ANO10: variants seen among roughly 807,000 people sequenced by gnomAD.
ANO10 encodes anoctamin 10.
A neutral mutation model predicts 74.7 loss-of-function variants in ANO10; 77 were observed. The ratio of observed to expected loss-of-function variants is 1.03; its 90% CI spans 0.86 to 1.25. The LOEUF is 1.25. Ranked by LOEUF, ANO10 falls within the 50% of genes most tolerant of loss-of-function variation. ANO10 has a pLI of 0.00. For missense variants in ANO10, 721 were observed against 778.1 expected (o/e 0.93, Z 0.87); for synonymous variants, 279 against 284.9 (o/e 0.98, Z 0.21).
chr3:43,373,563 G>A (rs982962634), intron 12 of ANO10, among the ~76,000 whole-genome samples: 1 of 152,162 alleles, frequency 6.6e-6, no homozygotes, highest in Non-Finnish European at 1.5e-5. Flanking sequence ...CTGCACATCT[G>A]GGTTTCAGAG....
chr3:43,442,606 AC>A (rs1353074354), intron 11 of ANO10, among the ~76,000 whole-genome samples: 1 of 152,174 alleles, frequency 6.6e-6, no homozygotes, highest in Non-Finnish European at 1.5e-5. Flanking sequence ...TATTGTTAAA[AC>A]GTGTATATCA....
chr3:43,578,719 C>T (rs552408551), intron 5 of ANO10, among the ~76,000 whole-genome samples: 13 of 123,642 alleles, frequency 1.1e-4, no homozygotes, highest in South Asian at 5.6e-4. Context: ...CATTGCACTC[C>T]GGCATGGGCC....
At chr3:43,570,840 T>G (rs530320869) in intron 7 of ANO10, among the ~76,000 whole-genome samples, 1 of 140,388 alleles carries the variant, frequency 7.1e-6, no homozygotes, top group Non-Finnish European at 1.5e-5. Flanking sequence ...AAATGGGATC[T>G]AATTAAACTA....
chr3:43,392,629 G>T (rs2092299325), intron 12 of ANO10, among the ~76,000 whole-genome samples: 1 of 152,168 alleles, frequency 6.6e-6, no homozygotes. Context: ...GTAAATCTAA[G>T]GGACAAATTC....
At chr3:43,419,033 A>C (rs1265289664) in intron 12 of ANO10, among the ~76,000 whole-genome samples, 1 of 152,158 alleles carries the variant, frequency 6.6e-6, no homozygotes, top group African/African-American at 2.4e-5. Context: ...AAGTTTGCCA[A>C]CTCCTAGCCC....
chr3:43,471,428 C>A (rs2075854625), intron 11 of ANO10, among the ~76,000 whole-genome samples: 1 of 152,122 alleles, frequency 6.6e-6, no homozygotes, highest in South Asian at 2.1e-4. Flanking sequence ...CTCATCATGT[C>A]CCTCTGCCGC....
At chr3:43,375,093 C>A (rs1344674573) in intron 12 of ANO10, among the ~76,000 whole-genome samples, 2 of 151,578 alleles carry the variant, frequency 1.3e-5, no homozygotes, top group African/African-American at 4.9e-5. Flanking sequence ...TACACTCCAG[C>A]CTGGGTGACA....
chr3:43,571,742 G>A (rs1259164384), intron 7 of ANO10, among the ~76,000 whole-genome samples: 1 of 150,660 alleles, frequency 6.6e-6, no homozygotes, highest in African/African-American at 2.4e-5. Flanking sequence ...GCTAGATGAC[G>A]AGTTAGTGGG....
chr3:43,453,064 G>A (rs999053714), intron 11 of ANO10, among the ~76,000 whole-genome samples: 1 of 151,992 alleles, frequency 6.6e-6, no homozygotes, highest in Non-Finnish European at 1.5e-5. Flanking sequence ...AATTATTCTA[G>A]ATACAAGTTC....
chr3:43,644,469 G>A (rs2083706325), intron 1 of ANO10, among the ~76,000 whole-genome samples: 1 of 152,124 alleles, frequency 6.6e-6, no homozygotes, highest in Non-Finnish European at 1.5e-5. Flanking sequence ...TCCCTCCCTG[G>A]AACAGAGAGG....
At chr3:43,459,317 C>T (rs2075279391) in intron 11 of ANO10, among the ~76,000 whole-genome samples, 1 of 152,104 alleles carries the variant, frequency 6.6e-6, no homozygotes, top group Non-Finnish European at 1.5e-5. Flanking sequence ...TCCATTTCTA[C>T]CTGATGCACT....
chr3:43,550,744 T>G (rs2079420536), intron 10 of ANO10, among the ~76,000 whole-genome samples: 1 of 146,618 alleles, frequency 6.8e-6, no homozygotes, highest in Admixed American at 6.7e-5. Context: ...AGTTTAAAAT[T>G]TCTATTTATT....
intron 11 of ANO10, among the ~76,000 whole-genome samples, chr3:43,544,618 C>A (rs193112101): frequency 0.015 from 2,243 of 151,938 alleles, 24 homozygotes; most frequent in Non-Finnish European, 0.02. Flanking sequence ...AATGGTGAAA[C>A]CCCGTCTCTA....
In ANO10 at chr3:43,690,751, G is replaced by A. The variant is rs116844757; in HGVS notation, c.-12+766C>T. ...CCCTCTGGGCTGACTGTCCCGCCCCGCGCTTACACCCGGGAGCGTCGGGCG... is the reference window on the plus strand; with the variant it reads ...CCCTCTGGGCTGACTGTCCCGCCCCACGCTTACACCCGGGAGCGTCGGGCG... On this transcript the variant is annotated intron_variant, in intron 1 of 3. Transcript: ENST00000413397. 10,205 of 427,052 alleles carry A rather than the reference G, an allele frequency of 0.024. 176 individuals are homozygous for A. Among genetic ancestry groups the A allele is most frequent in the South Asian group, 0.074 (1,249 of 16,778 alleles). 26.5% of individuals were successfully genotyped at this position (427,052 alleles called of 1,614,324 possible).
intron 12 of ANO10, among the ~76,000 whole-genome samples, chr3:43,425,885 A>T (rs1234097706): frequency 2.6e-5 from 4 of 152,128 alleles, no homozygotes; most frequent in Non-Finnish European, 5.9e-5. Flanking sequence ...GATCTAGGAG[A>T]GATGAACCAA....
intron 11 of ANO10, among the ~76,000 whole-genome samples, chr3:43,448,935 G>A (rs776881458): frequency 6.7e-6 from 1 of 149,132 alleles, no homozygotes; most frequent in Non-Finnish European, 1.5e-5. Flanking sequence ...GCAGTGGTGC[G>A]ATCTCGGCTC....
At chr3:43,598,749 T>C (rs1482755204) in intron 3 of ANO10, 83 bp from the exon 4 acceptor site, 2 of 1,126,294 alleles carry the variant, frequency 1.8e-6, no homozygotes, top group African/African-American at 1.6e-5. Flanking sequence ...GAAATAATGG[T>C]ATAAACAATA....
At chr3:43,613,305 A>G (rs1365263900) in intron 1 of ANO10, among the ~76,000 whole-genome samples, 2 of 152,206 alleles carry the variant, frequency 1.3e-5, no homozygotes, top group Non-Finnish European at 2.9e-5. Context: ...GTCACCTCCA[A>G]ATAGCTAATA....
chr3:43,483,094 T>C (rs975970033), intron 11 of ANO10, among the ~76,000 whole-genome samples: 5 of 152,262 alleles, frequency 3.3e-5, no homozygotes, highest in African/African-American at 1.2e-4. Context: ...GATTTTATGC[T>C]ATAAGCTTCC....
Sources: gnomAD v4.1 joint callset for allele counts (sites outside exome capture counted in the v4.1 genomes callset) on GRCh38, gnomAD v4.1.1 for gene constraint, MANE v1.5 for transcripts, NCBI Gene and HGNC (gene_info 2026-07-23, HGNC 2026-07-21) for gene names.